ZBTB16: variants seen among roughly 807,000 people sequenced by gnomAD.
ZBTB16 encodes zinc finger and BTB domain-containing protein 16.
In ZBTB16, 8 loss-of-function variants were observed where a neutral mutation model predicts 56.8. The observed-to-expected ratio is 0.14, with a 90% CI of 0.08 to 0.25. The LOEUF is 0.25. ZBTB16 is among the 10% of genes least tolerant of loss of function. The pLI is 1.00. For missense variants in ZBTB16, 625 were observed against 903.0 expected, an observed-to-expected ratio of 0.69 and a Z score of 3.95; for synonymous variants, 363 against 368.5, an observed-to-expected ratio of 0.98 and a Z score of 0.17.
chr11:114,188,346 T>C (rs891049526), intron 4 of ZBTB16: 7 of 152,182 alleles, frequency 4.6e-5, no homozygotes, highest in African/African-American at 1.7e-4. Flanking sequence ...ACAGGCGTGG[T>C]AGAGTCTTAT....
intron 4 of ZBTB16, among the ~76,000 whole-genome samples, chr11:114,233,049 T>G (rs1192645771): frequency 1.4e-5 from 1 of 71,972 alleles, no homozygotes; most frequent in Non-Finnish European, 3.5e-5. Context: ...CCCCACCCAC[T>G]CTACTGCACA....
At chr11:114,083,594 G>T (rs1939856334) in intron 2 of ZBTB16, among the ~76,000 whole-genome samples, 1 of 152,138 alleles carries the variant, frequency 6.6e-6, no homozygotes, top group South Asian at 2.1e-4. Context: ...CCCTCTTAGG[G>T]TGATAGAATC....
intron 2 of ZBTB16, among the ~76,000 whole-genome samples, chr11:114,075,841 T>C (rs1431918395): frequency 6.6e-6 from 1 of 152,036 alleles, no homozygotes; most frequent in Non-Finnish European, 1.5e-5. Context: ...CCAAAAGTTT[T>C]CCCCCCATCA....
intron 4 of ZBTB16, among the ~76,000 whole-genome samples, chr11:114,219,849 TG>T (rs1944191602): frequency 6.6e-6 from 1 of 152,132 alleles, no homozygotes; most frequent in Non-Finnish European, 1.5e-5. Context: ...GCTTGGGGTC[TG>T]GAAGCCTTGG....
chr11:114,148,435 CTT>C (rs1491390735), intron 2 of ZBTB16, among the ~76,000 whole-genome samples: 3,864 of 44,628 alleles, frequency 0.087, 640 homozygotes, highest in African/African-American at 0.3. Flanking sequence ...CTCTCTCTCT[CTT>C]TCTCTCTCTC....
At chr11:114,106,356 A>G (rs1250613071) in intron 2 of ZBTB16, among the ~76,000 whole-genome samples, 1 of 152,154 alleles carries the variant, frequency 6.6e-6, no homozygotes, top group Admixed American at 6.5e-5. Flanking sequence ...CATCATTATG[A>G]TGGATTACAT....
Position 114,256,237 on chromosome 11 carries a change from G to A in ZBTB16, c.*5682G>A, listed in dbSNP as rs911087280. On this transcript the variant is annotated 3_prime_UTR_variant, in exon 7 of 7. Transcript: ENST00000335953. ...AAAAAATGTTAAATACGTTAATATC[G>A]TATGATCCTTGGTACAATGTGCTAG... Among the ~76,000 whole-genome samples, 3 of 152,064 alleles carry A rather than the reference G, an allele frequency of 2.0e-5. No individual in the cohort carries two copies. Among genetic ancestry groups the A allele is most frequent in the South Asian group, 2.1e-4 (1 of 4,824 alleles).
At chr11:114,168,581 A>T (rs1942859879) in intron 3 of ZBTB16, among the ~76,000 whole-genome samples, 1 of 152,244 alleles carries the variant, frequency 6.6e-6, no homozygotes, top group Admixed American at 6.5e-5. Context: ...CTTGCCTAAG[A>T]TCATAAAGCT....
At chr11:114,098,364 C>T (rs747335341) in intron 2 of ZBTB16, among the ~76,000 whole-genome samples, 6 of 152,212 alleles carry the variant, frequency 3.9e-5, no homozygotes, top group Non-Finnish European at 7.4e-5. Context: ...CGCACTGGCA[C>T]GGATCTGAAA....
At position 114,063,766 on chromosome 11, in the gene ZBTB16, A is replaced by G. The variant is rs566494971; in HGVS notation, c.466A>G (p.Ile156Val). ...CCGCAAGGCTCGGTACCTCAAGAAC[A>G]TCTTCATCTCGAAGCATTCCAGCGA... ...EDRKARYLKN[I>V]FISKHSSEES... Residue 156 changes from isoleucine to valine, a missense_variant, in exon 2 of 7, where the codon ATC becomes GTC. Transcript: ENST00000335953. This position sits in a 1 kb window ranked among gnomAD's most constrained non-coding sequence, Gnocchi z 6.5. 31 of 1,613,952 alleles carry G rather than the reference A, an allele frequency of 1.9e-5. No homozygotes were observed. The highest frequency in any genetic ancestry group is 2.5e-5 in the Non-Finnish European group (29 of 1,180,034).
At chr11:114,098,973 C>T (rs986715987) in intron 2 of ZBTB16, among the ~76,000 whole-genome samples, 13 of 152,166 alleles carry the variant, frequency 8.5e-5, no homozygotes, top group Admixed American at 2.0e-4. Flanking sequence ...GTAAATATTT[C>T]GGACATCCTC....
intron 2 of ZBTB16, among the ~76,000 whole-genome samples, chr11:114,105,296 G>A (rs1384532067): frequency 6.6e-6 from 1 of 150,946 alleles, no homozygotes; most frequent in East Asian, 1.9e-4. Context: ...GCTGGAATGC[G>A]CTGGCACGAT....
intron 2 of ZBTB16, among the ~76,000 whole-genome samples, chr11:114,120,790 G>A (rs917660803): frequency 2.0e-5 from 3 of 152,186 alleles, no homozygotes; most frequent in Non-Finnish European, 4.4e-5. Context: ...TGTGGGGATG[G>A]TGACTGGCCT....
At chr11:114,201,448 G>T (rs1277937187) in intron 4 of ZBTB16, among the ~76,000 whole-genome samples, 1 of 152,192 alleles carries the variant, frequency 6.6e-6, no homozygotes, top group African/African-American at 2.4e-5. Flanking sequence ...AGTAGGGCCT[G>T]TTATCAGCAG....
chr11:114,094,043 C>T (rs541076001), intron 2 of ZBTB16, among the ~76,000 whole-genome samples: 49 of 152,244 alleles, frequency 3.2e-4, no homozygotes, highest in African/African-American at 9.4e-4. Flanking sequence ...GGGCCAGGCG[C>T]GGTGGCTCAC....
chr11:114,227,996 C>T (rs1043555976), intron 4 of ZBTB16, among the ~76,000 whole-genome samples: 111 of 152,222 alleles, frequency 7.3e-4, no homozygotes, highest in African/African-American at 2.6e-3. Context: ...ACAGAAACTC[C>T]GTACCCATTA....
chr11:114,249,485 G>GA, intron 6 of ZBTB16, among the ~76,000 whole-genome samples: 1 of 125,728 alleles, frequency 8.0e-6, no homozygotes, highest in South Asian at 2.6e-4. Context: ...AAAAAAAAAG[G>GA]CCGGGCGCGG....
chr11:114,083,451 C>G (rs1343509372), intron 2 of ZBTB16, among the ~76,000 whole-genome samples: 1 of 152,174 alleles, frequency 6.6e-6, no homozygotes, highest in African/African-American at 2.4e-5. Flanking sequence ...TGTCTCACGT[C>G]CCAGTCGCTG....
chr11:114,163,688 G>A (rs1373569145), intron 3 of ZBTB16, among the ~76,000 whole-genome samples: 1 of 152,016 alleles, frequency 6.6e-6, no homozygotes, highest in Non-Finnish European at 1.5e-5. Flanking sequence ...TGTGAAGAGG[G>A]GGTTCACATG....
Sources: allele counts gnomAD v4.1 joint callset (sites outside exome capture counted in the v4.1 genomes callset), GRCh38; gene constraint gnomAD v4.1.1; non-coding constraint Gnocchi (gnomAD v3.1); transcripts MANE v1.5; gene names NCBI Gene and HGNC (gene_info 2026-07-23, HGNC 2026-07-21).